The following PPP3R1 variants were observed in gnomAD, a reference collection of about 807,000 sequenced individuals.
PPP3R1 encodes protein phosphatase 3 regulatory subunit B, alpha.
Under a neutral mutation model 22.6 loss-of-function variants are expected in PPP3R1, and 5 were observed. That is an observed-to-expected ratio of 0.22 (90% CI 0.12 to 0.46). The LOEUF (loss-of-function observed/expected upper bound fraction) is 0.46, where lower values mean the gene tolerates loss of function less well. PPP3R1 is among the 20% of genes least tolerant of loss of function. PPP3R1 has a pLI of 0.99. For synonymous variants in PPP3R1, 56 were observed against 65.2 expected, an observed-to-expected ratio of 0.86 and a Z score of 0.68; for missense variants, 61 against 203.2, an observed-to-expected ratio of 0.30 and a Z score of 4.25.
intron 1 of PPP3R1, among the ~76,000 whole-genome samples, chr2:68,232,702 G>A (rs1669942647): frequency 6.6e-6 from 1 of 151,968 alleles, no homozygotes; most frequent in African/African-American, 2.4e-5. Context: ...CACCTCACAG[G>A]TTCAAGCAAT....
chr2:68,236,684 G>C (rs997682034), intron 1 of PPP3R1, among the ~76,000 whole-genome samples: 2 of 152,090 alleles, frequency 1.3e-5, no homozygotes, highest in Non-Finnish European at 2.9e-5. Flanking sequence ...CCATTATTCA[G>C]AGTACCTAAT....
chr2:68,230,741 G>T (rs551477055), intron 1 of PPP3R1, among the ~76,000 whole-genome samples: 1 of 152,250 alleles, frequency 6.6e-6, no homozygotes, highest in Admixed American at 6.5e-5. Context: ...CATATGTCTT[G>T]ATTTCCCTTT....
intron 1 of PPP3R1, among the ~76,000 whole-genome samples, chr2:68,223,816 A>C (rs943559276): frequency 2.2e-4 from 34 of 152,066 alleles, no homozygotes; most frequent in Admixed American, 6.5e-4. Flanking sequence ...CAAAAAAAAA[A>C]AAAAACAAAA....
chr2:68,226,801 G>T (rs1040038816), intron 1 of PPP3R1, among the ~76,000 whole-genome samples: 1 of 152,088 alleles, frequency 6.6e-6, no homozygotes, highest in South Asian at 2.1e-4. Flanking sequence ...GCATCAATGC[G>T]TTAAAGTACA....
chr2:68,228,813 G>C (rs1176986344), intron 1 of PPP3R1, among the ~76,000 whole-genome samples: 1 of 151,740 alleles, frequency 6.6e-6, no homozygotes, highest in Non-Finnish European at 1.5e-5. Context: ...AACTGCTTTA[G>C]TTGTATCCCA....
intron 1 of PPP3R1, among the ~76,000 whole-genome samples, chr2:68,230,047 T>C (rs979956446): frequency 6.6e-6 from 1 of 150,634 alleles, no homozygotes; most frequent in East Asian, 2.0e-4. Flanking sequence ...CTCTGGAGCG[T>C]AGCGGCACAA....
intron 2 of PPP3R1, among the ~76,000 whole-genome samples, chr2:68,200,680 A>G (rs1674956049): frequency 6.6e-6 from 1 of 152,176 alleles, no homozygotes; most frequent in African/African-American, 2.4e-5. Flanking sequence ...TGTTAGTTCC[A>G]TCTGAAGAGT....
At chr2:68,225,315 G>C (rs1044566730) in intron 1 of PPP3R1, among the ~76,000 whole-genome samples, 5 of 152,298 alleles carry the variant, frequency 3.3e-5, no homozygotes, top group African/African-American at 1.2e-4. Context: ...GAAAATGAAA[G>C]AGTCAAAGCA....
intron 1 of PPP3R1, among the ~76,000 whole-genome samples, chr2:68,227,883 A>C (rs1669817261): frequency 6.6e-6 from 1 of 151,854 alleles, no homozygotes; most frequent in Non-Finnish European, 1.5e-5. Context: ...TTTCTTGAAA[A>C]TTTTCTATGT....
intron 2 of PPP3R1, among the ~76,000 whole-genome samples, chr2:68,207,406 T>C (rs1477173206): frequency 2.0e-5 from 3 of 152,228 alleles, no homozygotes; most frequent in South Asian, 2.1e-4. Context: ...GACTTACTAC[T>C]AAGTTCTGAG....
intron 1 of PPP3R1, among the ~76,000 whole-genome samples, chr2:68,234,891 A>G (rs1669989582): frequency 6.6e-6 from 1 of 152,174 alleles, no homozygotes; most frequent in African/African-American, 2.4e-5. Flanking sequence ...TCAGATAATG[A>G]TAAGATACCA....
chr2:68,188,742 CCTTT>C, intron 2 of PPP3R1, 52 bp from the exon 3 acceptor site: 2 of 1,472,170 alleles, frequency 1.4e-6, no homozygotes, highest in Non-Finnish European at 1.8e-6. Flanking sequence ...GTTCCCAAAT[CCTTT>C]CTAATGGGCA....
intron 1 of PPP3R1, among the ~76,000 whole-genome samples, chr2:68,248,888 C>T (rs1043911308): frequency 6.6e-6 from 1 of 152,184 alleles, no homozygotes; most frequent in Non-Finnish European, 1.5e-5. Flanking sequence ...ACTTACTTCA[C>T]GGTTACTGCC....
rs955023378 is a variant in PPP3R1, at chr2:68,179,206, C to A, written c.*1757G>T. 7 of 152,616 alleles carry A rather than the reference C, an allele frequency of 4.6e-5. No individual in the cohort carries two copies. Among genetic ancestry groups the A allele is most frequent in the African/African-American group, 1.7e-4 (7 of 41,432 alleles). The allele number at this position is 152,616 out of a possible 1,614,324, so 9.5% of individuals were successfully genotyped here. A position where few individuals can be genotyped will look rare whatever the true frequency, so the allele number is the denominator to read the frequency against. On this transcript the variant is annotated 3_prime_UTR_variant, in exon 6 of 6. Coordinates refer to ENST00000234310, the MANE Select transcript of PPP3R1 (RefSeq NM_000945.4). ...GAAGCAGAGCACATGGCAGTTGACA[C>A]TGGAACAGTTCAAACCACTGGCTGG...
intron 2 of PPP3R1, among the ~76,000 whole-genome samples, chr2:68,198,062 CAA>C (rs199824687): frequency 4.5e-3 from 190 of 41,942 alleles, no homozygotes; most frequent in Middle Eastern, 0.028. Flanking sequence ...GCACCTTTGG[CAA>C]AAAAAAAAAA....
intron 2 of PPP3R1, among the ~76,000 whole-genome samples, chr2:68,197,746 T>C (rs1674819349): frequency 1.3e-5 from 2 of 152,228 alleles, no homozygotes; most frequent in South Asian, 2.1e-4. Context: ...TATTTTCTAA[T>C]AGTATTTTCT....
intron 1 of PPP3R1, among the ~76,000 whole-genome samples, chr2:68,224,843 T>C (rs1051736525): frequency 4.6e-5 from 7 of 152,000 alleles, no homozygotes; most frequent in African/African-American, 1.7e-4. Context: ...AACAACTGAA[T>C]AGCAATATGC....
intron 1 of PPP3R1, among the ~76,000 whole-genome samples, chr2:68,242,820 C>G (rs1670160194): frequency 6.6e-6 from 1 of 152,112 alleles, no homozygotes; most frequent in African/African-American, 2.4e-5. Context: ...TGAATCTAGA[C>G]AGATTAAAAA....
At chr2:68,218,621 GT>G (rs3214785) in intron 1 of PPP3R1, among the ~76,000 whole-genome samples, 68,838 of 149,676 alleles carry the variant, frequency 0.46, 15,935 homozygotes, top group South Asian at 0.62. Context: ...TTTTTTTAAT[GT>G]TTTTTTTTCC....
Sources: allele counts gnomAD v4.1 joint callset (sites outside exome capture counted in the v4.1 genomes callset), GRCh38; gene constraint gnomAD v4.1.1; transcripts MANE v1.5; gene names NCBI Gene and HGNC (gene_info 2026-07-23, HGNC 2026-07-21).